Variants in PIK3C2G observed in about 807,000 individuals in gnomAD.
PIK3C2G encodes phosphatidylinositol-4-phosphate 3-kinase catalytic subunit type 2 gamma.
A neutral mutation model predicts 181.1 loss-of-function variants in PIK3C2G; 168 were observed. The observed-to-expected ratio is 0.93, with a 90% CI of 0.82 to 1.05. The LOEUF is 1.05. Ranked by LOEUF, PIK3C2G falls within the 50% of genes least tolerant of loss-of-function variation. The pLI, the probability that PIK3C2G is intolerant of heterozygous loss-of-function variation, is 0.00. For missense variants in PIK3C2G, 1,869 were observed against 1,732.8 expected, an observed-to-expected ratio of 1.08 and a Z score of -1.40; for synonymous variants, 573 against 592.2, an observed-to-expected ratio of 0.97 and a Z score of 0.47.
At chr12:18,671,535 T>A in the PIK3C2G span, among the ~76,000 whole-genome samples, 2 of 152,276 alleles carry the variant, frequency 1.3e-5, no homozygotes, top group East Asian at 3.9e-4. Flanking sequence ...ACCACCCATG[T>A]GTGGCTACTC....
chr12:18,381,783 C>T lies in PIK3C2G; in HGVS notation c.1898C>T (p.Ser633Phe), dbSNP rs781570083. The change falls in exon 14 of 33, where the codon TCT (serine) becomes TTT (phenylalanine). Residue 633 changes from serine to phenylalanine, a missense_variant. By Grantham distance (155) the Ser-to-Phe change is radical (BLOSUM62 -2). Coordinates refer to ENST00000538779, the MANE Select transcript of PIK3C2G (RefSeq NM_001288772.2). ...TTTTGCAGAAAATCCATTCTCGGGT[C>T]TATGCTGTTCAGCATGACATTACAG... ...LFPKEKSILG[S>F]MLFSMTLQSE... is the part of the protein sequence containing the mutation. 1.2e-6 allele frequency: 2 copies of T among 1,610,342 alleles called. No homozygotes were observed. The highest frequency in any genetic ancestry group is 3.3e-5 in the Admixed American group (2 of 60,000).
chr12:18,453,739 AAGAG>A (rs75854302), intron 18 of PIK3C2G, among the ~76,000 whole-genome samples: 20,356 of 151,902 alleles, frequency 0.13, 1,477 homozygotes, highest in African/African-American at 0.18. Context: ...TTTCAATTAA[AAGAG>A]AGAGAGAAAG....
At chr12:18,608,672 C>T (rs1197469302) in intron 30 of PIK3C2G, among the ~76,000 whole-genome samples, 1 of 151,778 alleles carries the variant, frequency 6.6e-6, no homozygotes. Flanking sequence ...CAAACCTGCA[C>T]GTTGTGCACA....
chr12:18,497,461 G>A (rs1261555418), intron 21 of PIK3C2G, among the ~76,000 whole-genome samples, 158 bp from the exon 22 acceptor site: 1 of 152,026 alleles, frequency 6.6e-6, no homozygotes, highest in East Asian at 1.9e-4. Flanking sequence ...TTTTTTATCA[G>A]AAACACAAGG....
intron 26 of PIK3C2G, among the ~76,000 whole-genome samples, chr12:18,557,687 CTG>C (rs1469970914): frequency 6.6e-6 from 1 of 152,038 alleles, no homozygotes; most frequent in East Asian, 1.9e-4. Flanking sequence ...GGTTACATGA[CTG>C]TGTACATACA....
At chr12:18,423,823 T>C in intron 17 of PIK3C2G, 122 bp from the exon 18 acceptor site, 3 of 648,642 alleles carry the variant, frequency 4.6e-6, no homozygotes, top group South Asian at 3.5e-5. Flanking sequence ...GAATGTGTTA[T>C]TAGCATTTTG....
At chr12:18,342,600 A>G (rs1050369085) in intron 9 of PIK3C2G, among the ~76,000 whole-genome samples, 8 of 151,998 alleles carry the variant, frequency 5.3e-5, no homozygotes, top group Non-Finnish European at 4.4e-5. Flanking sequence ...GGCTGAAACC[A>G]TTTTTTAGGA....
At chr12:18,683,650 T>C in the PIK3C2G span, 4 of 1,342,046 alleles carry the variant, frequency 3.0e-6, no homozygotes, top group East Asian at 1.7e-4. Context: ...AAAGTAAGCA[T>C]ATTGAGACAA....
intron 18 of PIK3C2G, among the ~76,000 whole-genome samples, chr12:18,456,863 G>A (rs1054840019): frequency 2.6e-5 from 4 of 152,118 alleles, no homozygotes; most frequent in Non-Finnish European, 5.9e-5. Flanking sequence ...TCTCACCAAC[G>A]GCTGAAATAA....
chr12:18,266,956 A>G (rs937554472), intron 1 of PIK3C2G, among the ~76,000 whole-genome samples: 1 of 152,022 alleles, frequency 6.6e-6, no homozygotes, highest in Non-Finnish European at 1.5e-5. Context: ...ATACATATGC[A>G]GATGTAATAT....
At chr12:18,412,355 T>A (rs1410042656) in intron 16 of PIK3C2G, among the ~76,000 whole-genome samples, 5 of 152,148 alleles carry the variant, frequency 3.3e-5, no homozygotes, top group African/African-American at 1.2e-4. Context: ...AAGGCTAAAA[T>A]TATTTCCATA....
At chr12:18,313,865 A>T (rs1271193874) in intron 5 of PIK3C2G, 97 bp from the exon 6 acceptor site, 5 of 684,570 alleles carry the variant, frequency 7.3e-6, no homozygotes, top group Non-Finnish European at 1.3e-5. Context: ...TTACCAAACT[A>T]AGTTCCAAAA....
chr12:18,687,403 T>G, the PIK3C2G span, among the ~76,000 whole-genome samples: 8 of 152,128 alleles, frequency 5.3e-5, no homozygotes, highest in African/African-American at 1.9e-4. Flanking sequence ...CAAGAATCAG[T>G]TCCAATGTCT....
intron 25 of PIK3C2G, among the ~76,000 whole-genome samples, chr12:18,541,212 G>A (rs1395210147): frequency 6.6e-6 from 1 of 151,978 alleles, no homozygotes; most frequent in Non-Finnish European, 1.5e-5. Context: ...ATGGGCCACA[G>A]ACATTTGGTG....
chr12:18,565,085 G>A (rs78180921), intron 28 of PIK3C2G, among the ~76,000 whole-genome samples: 5,314 of 152,200 alleles, frequency 0.035, 160 homozygotes, highest in East Asian at 0.18. Context: ...TTTGTCCTAT[G>A]TTCCCTGAAC....
At chr12:18,620,611 A>T (rs979138404) in intron 31 of PIK3C2G, among the ~76,000 whole-genome samples, 4 of 152,090 alleles carry the variant, frequency 2.6e-5, no homozygotes, top group Non-Finnish European at 5.9e-5. Flanking sequence ...CCTGGCATAC[A>T]AATGTATTGA....
the PIK3C2G span, chr12:18,694,990 G>A: frequency 6.2e-7 from 1 of 1,610,148 alleles, no homozygotes; most frequent in Non-Finnish European, 8.5e-7. Flanking sequence ...AAGAAATGTG[G>A]TTTCAAAATA....
intron 13 of PIK3C2G, among the ~76,000 whole-genome samples, chr12:18,376,678 A>C (rs187786640): frequency 6.6e-6 from 1 of 152,182 alleles, no homozygotes; most frequent in Admixed American, 6.5e-5. Context: ...TGTAGTTTCC[A>C]GTGTTGGAGG....
Position 18,362,796 on chromosome 12 carries a change from C to A in PIK3C2G, c.1658C>A (p.Thr553Lys), listed in dbSNP as rs576261447. ...GCGTTTTCTTTTACCTGTTGGCTTA[C>A]ATATGCTGGAAAGAAGCTGTGCCAA... ...YKAFSFTCWL[T>K]YAGKKLCQVR... The change falls in exon 12 of 33, where the codon ACA (threonine) becomes AAA (lysine). Residue 553 changes from threonine to lysine, a missense_variant. Transcript: ENST00000538779. The A allele has an allele frequency of 6.6e-7, 1 of 1,524,128 alleles. No homozygotes were observed. Among genetic ancestry groups the A allele is most frequent in the African/African-American group, 1.4e-5 (1 of 72,486 alleles). 94.4% of individuals were successfully genotyped at this position (1,524,128 alleles called of 1,614,324 possible).
Sources: allele counts gnomAD v4.1 joint callset (sites outside exome capture counted in the v4.1 genomes callset), GRCh38; gene constraint gnomAD v4.1.1; transcripts MANE v1.5; gene names NCBI Gene and HGNC (gene_info 2026-07-23, HGNC 2026-07-21).